ITGB2: variants seen among roughly 807,000 people sequenced by gnomAD.
ITGB2 encodes the protein integrin subunit beta 2, also known as integrin beta-2.
In ITGB2, 56 loss-of-function variants were observed where a neutral mutation model predicts 86.8. The ratio of observed to expected loss-of-function variants is 0.65; its 90% confidence interval spans 0.52 to 0.81. ITGB2 has a LOEUF of 0.81. Ranked by LOEUF, ITGB2 falls within the 30% of genes least tolerant of loss-of-function variation. ITGB2 has a pLI of 0.00. For missense variants in ITGB2, 948 were observed against 1,061.2 expected (o/e 0.89, Z 1.48); for synonymous variants, 457 against 450.4 (o/e 1.01, Z -0.19).
chr21:44,886,041 C>G lies in ITGB2; in HGVS notation c.*327G>C, dbSNP rs1601276176. 5.0e-6 allele frequency: 2 copies of G among 402,232 alleles called. No individual in the cohort carries two copies. Among genetic ancestry groups the G allele is most frequent in the African/African-American group, 4.1e-5 (2 of 49,070 alleles). The allele number at this position is 402,232 out of a possible 1,614,324, so 24.9% of individuals were successfully genotyped here. ...TAATTAATGGGATGTCATTTTATAC[C>G]CTGACAAGTTTAAATGTAAATAAAT... On this transcript the variant is annotated 3_prime_UTR_variant, in exon 16 of 16. Coordinates refer to ENST00000652462, the MANE Select transcript of ITGB2 (RefSeq NM_000211.5).
intron 13 of ITGB2, 169 bp from the exon 14 acceptor site, chr21:44,889,064 A>G (rs992269314): frequency 1.3e-4 from 93 of 708,560 alleles, no homozygotes; most frequent in Middle Eastern, 3.8e-4. Context: ...GTGAACTGGA[A>G]GCCTGATCCC....
chr21:44,904,020 G>T (rs920477737), intron 4 of ITGB2, among the ~76,000 whole-genome samples: 24 of 152,156 alleles, frequency 1.6e-4, no homozygotes, highest in Admixed American at 1.2e-3. Flanking sequence ...GCTCGCCCGC[G>T]TCTCAGTCAC....
chr21:44,918,090 C>T (rs937368916), intron 1 of ITGB2, among the ~76,000 whole-genome samples: 9 of 152,242 alleles, frequency 5.9e-5, no homozygotes, highest in African/African-American at 2.2e-4. Context: ...GGGTATCACC[C>T]ACAGCTCCAT....
intron 1 of ITGB2, among the ~76,000 whole-genome samples, chr21:44,919,281 G>A (rs990964789): frequency 9.3e-4 from 141 of 152,264 alleles, no homozygotes; most frequent in African/African-American, 3.2e-3. Context: ...CTGCAGGGAC[G>A]TAGCCAGGGA....
chr21:44,891,680 G>C, intron 11 of ITGB2, 129 bp downstream of exon 11: 1 of 1,053,094 alleles, frequency 9.5e-7, no homozygotes, highest in South Asian at 1.5e-5. Flanking sequence ...TGCAGAAGGG[G>C]GCCCCCAGGA....
At chr21:44,900,290 GGTGC>G in intron 7 of ITGB2, 26 bp downstream of exon 7, 1 of 1,613,346 alleles carries the variant, frequency 6.2e-7, no homozygotes, top group East Asian at 2.2e-5. Flanking sequence ...CCTGCCAGGC[GGTGC>G]CTGGGTGCCT....
At chr21:44,904,811 A>G (rs1396803282) in intron 4 of ITGB2, among the ~76,000 whole-genome samples, 2 of 151,526 alleles carry the variant, frequency 1.3e-5, no homozygotes, top group African/African-American at 4.9e-5. Flanking sequence ...TGCTAAACAC[A>G]TACATACCAC....
chr21:44,896,602 G>A (rs1184023047), intron 8 of ITGB2, among the ~76,000 whole-genome samples: 4 of 151,852 alleles, frequency 2.6e-5, no homozygotes, highest in East Asian at 1.9e-4. Context: ...CCTCCTCTGC[G>A]CCCTCCGCCC....
At chr21:44,905,146 C>T (rs2084023952) in intron 4 of ITGB2, among the ~76,000 whole-genome samples, 1 of 152,164 alleles carries the variant, frequency 6.6e-6, no homozygotes, top group East Asian at 1.9e-4. Context: ...GGGCCCCGTC[C>T]CTTCCCTTCC....
At chr21:44,905,546 TCA>T (rs1474613989) in intron 4 of ITGB2, among the ~76,000 whole-genome samples, 1 of 152,126 alleles carries the variant, frequency 6.6e-6, no homozygotes, top group East Asian at 1.9e-4. Context: ...TCTGTCAGCC[TCA>T]GTTTCCTCAC....
intron 7 of ITGB2, among the ~76,000 whole-genome samples, chr21:44,900,073 C>A (rs914740686): frequency 6.6e-6 from 1 of 152,218 alleles, no homozygotes; most frequent in Non-Finnish European, 1.5e-5. Context: ...TGGAGACCAA[C>A]AGAGCCTGGG....
At chr21:44,906,234 G>A (rs1036697309) in intron 4 of ITGB2, among the ~76,000 whole-genome samples, 7 of 142,310 alleles carry the variant, frequency 4.9e-5, no homozygotes, top group Admixed American at 2.9e-4. Context: ...TCGCCCTGTC[G>A]CCCAGGCTAA....
At chr21:44,903,599 T>C in intron 4 of ITGB2, 64 bp from the exon 5 acceptor site, 1 of 1,594,934 alleles carries the variant, frequency 6.3e-7, no homozygotes, top group Non-Finnish European at 8.6e-7. Flanking sequence ...TCTGGGGGCG[T>C]GTGGCCCCGA....
At position 44,895,591 on chromosome 21, in the gene ITGB2, C is replaced by T. The variant is rs556050207; in HGVS notation, c.994-531G>A. Among the ~76,000 whole-genome samples the T allele has an allele frequency of 2.0e-5, 3 of 151,514 alleles. No individual in the cohort carries two copies. The East Asian group carries it at 5.9e-4, about 30-fold the overall frequency. The stretch of plus-strand genomic sequence containing the variant: ...GCATGATGGCTCACGCCTGTGATCC[C>T]AGCACTTTGGGAGGCCAAAGTGGGT... On this transcript the variant is annotated intron_variant, in intron 8 of 15. Coordinates refer to ENST00000652462, the MANE Select transcript of ITGB2 (RefSeq NM_000211.5).
At chr21:44,910,688 C>T in intron 2 of ITGB2, 37 bp downstream of exon 2, 1 of 1,606,362 alleles carries the variant, frequency 6.2e-7, no homozygotes, top group Non-Finnish European at 8.5e-7. Flanking sequence ...ATTGGAATGT[C>T]ACGCGTGGAG....
In ITGB2 at chr21:44,910,729, C is replaced by A. The variant is rs372110619; in HGVS notation, c.54G>T (p.Gly18=). The change falls in exon 2 of 16, where the codon GGG becomes GGT. Residue 18 remains glycine (G), a synonymous_variant. Coordinates refer to ENST00000652462, the MANE Select transcript of ITGB2 (RefSeq NM_000211.5). Reference sequence around the variant, plus strand: ...TCCGTGGAACACAGAACTCACCGCACCCGAGGGAGAGCAGCCCCACCAGGG... The same window carrying A: ...TCCGTGGAACACAGAACTCACCGCAACCGAGGGAGAGCAGCCCCACCAGGG... ...LLALVGLLSL[G]CVLSQECTKF... 7 of 1,613,876 alleles carry A rather than the reference C, an allele frequency of 4.3e-6. No individual in the cohort carries two copies. In the African/African-American group the frequency reaches 8.0e-5, roughly 18 times the overall value.
At chr21:44,911,828 C>T (rs1050427210) in intron 1 of ITGB2, among the ~76,000 whole-genome samples, 1 of 152,158 alleles carries the variant, frequency 6.6e-6, no homozygotes, top group Non-Finnish European at 1.5e-5. Flanking sequence ...GCAGCAGGGC[C>T]GTTCCACCCC....
At chr21:44,920,964 T>G (rs1467292780), upstream of ITGB2, 1 of 152,354 alleles carries the variant, frequency 6.6e-6, no homozygotes, top group Non-Finnish European at 1.5e-5. Context: ...CAGCTCCTCC[T>G]TGGAGGAAGT....
intron 4 of ITGB2, among the ~76,000 whole-genome samples, chr21:44,904,783 TAC>T (rs2084018505): frequency 6.7e-6 from 1 of 150,372 alleles, no homozygotes; most frequent in Non-Finnish European, 1.5e-5. Context: ...GCCACACATA[TAC>T]ACACACCCCA....
Sources: gnomAD v4.1 joint callset for allele counts (sites outside exome capture counted in the v4.1 genomes callset) on GRCh38, gnomAD v4.1.1 for gene constraint, MANE v1.5 for transcripts, NCBI Gene and HGNC (gene_info 2026-07-23, HGNC 2026-07-21) for gene names.